ADD1: variants seen among roughly 807,000 people sequenced by gnomAD.
The protein encoded by ADD1 is adducin 1.
Under a neutral mutation model 80.5 loss-of-function variants are expected in ADD1, and 24 were observed. The ratio of observed to expected loss-of-function variants is 0.30; its 90% confidence interval spans 0.22 to 0.42. The LOEUF (loss-of-function observed/expected upper bound fraction) is 0.42. ADD1 is among the 10% of genes least tolerant of loss of function. The pLI, the probability that ADD1 is intolerant of heterozygous loss-of-function variation, is 1.00. For synonymous variants in ADD1, 373 were observed against 393.8 expected (o/e 0.95, Z 0.63); for missense variants, 948 against 1,019.0 (o/e 0.93, Z 0.95).
chr4:2,910,764 G>A (rs1737883620), intron 13 of ADD1, among the ~76,000 whole-genome samples: 3 of 152,294 alleles, frequency 2.0e-5, no homozygotes, highest in Admixed American at 1.3e-4. Context: ...CTTCCTGAAC[G>A]ATAGAGGTAG....
chr4:2,889,102 G>C (rs566102557), intron 4 of ADD1, among the ~76,000 whole-genome samples: 1 of 152,278 alleles, frequency 6.6e-6, no homozygotes, highest in East Asian at 1.9e-4. Flanking sequence ...TTTCCTACCA[G>C]ATGTCAAACT....
intron 1 of ADD1, among the ~76,000 whole-genome samples, chr4:2,875,252 A>G (rs1731095631): frequency 6.6e-6 from 1 of 152,050 alleles, no homozygotes; most frequent in Non-Finnish European, 1.5e-5. Flanking sequence ...AAAGAATGTA[A>G]TGTCAGTAGC....
intron 4 of ADD1, among the ~76,000 whole-genome samples, chr4:2,884,893 A>G (rs1454809015): frequency 6.6e-6 from 1 of 152,226 alleles, no homozygotes; most frequent in Non-Finnish European, 1.5e-5. Flanking sequence ...TGCTAACCTA[A>G]TAAAACAACT....
intron 1 of ADD1, among the ~76,000 whole-genome samples, chr4:2,863,749 C>T (rs185457613): frequency 1.3e-5 from 2 of 151,538 alleles, no homozygotes; most frequent in East Asian, 3.9e-4. Flanking sequence ...GTTTTGTTTT[C>T]TAAGAGATAG....
rs1048934188 is a variant in ADD1 at position 2,908,488 on chromosome 4, A to T, written c.1609-27A>T. On this transcript the variant is annotated intron_variant, in intron 11 of 15. Transcript: ENST00000683351. ...GCAGCATGGCTGCTCAGGACTGTTG[A>T]TGTGTGCCTCTCCTTCCCACCCTCA... 9.4e-6 allele frequency: 15 copies of T among 1,600,284 alleles called. No individual in the cohort carries two copies. The Admixed American group carries it at 1.7e-4, about 18-fold the overall frequency.
chr4:2,914,776 T>C, intron 13 of ADD1, 108 bp from the exon 14 acceptor site: 1 of 1,340,772 alleles, frequency 7.5e-7, no homozygotes, highest in Non-Finnish European at 1.0e-6. Context: ...CAGGGGTCTC[T>C]GCTCCTGGAA....
intron 3 of ADD1, among the ~76,000 whole-genome samples, chr4:2,882,484 T>C (rs1181414296): frequency 6.6e-6 from 1 of 152,226 alleles, no homozygotes; most frequent in Non-Finnish European, 1.5e-5. Context: ...TGGGTGAATG[T>C]GAGCAAAGAA....
At position 2,928,698 on chromosome 4, in the gene ADD1, C is replaced by T; in HGVS notation, c.*175C>T. Reference sequence around the variant, plus strand: ...CCGGGCTGACCCAGTGTGTGCTCAGCAGCCCCACCCCACCCTGCCCCTTGT... The same window carrying T: ...CCGGGCTGACCCAGTGTGTGCTCAGTAGCCCCACCCCACCCTGCCCCTTGT... On this transcript the variant is annotated 3_prime_UTR_variant, in exon 16 of 16. Coordinates refer to ENST00000683351, the MANE Select transcript of ADD1 (RefSeq NM_001354761.2). 1.6e-6 allele frequency: 1 copy of T among 620,234 alleles called. No individual in the cohort carries two copies. The highest frequency in any genetic ancestry group is 2.7e-6 in the Non-Finnish European group (1 of 366,214). The allele number at this position is 620,234 out of a possible 1,614,324, so 38.4% of individuals were successfully genotyped here.
intron 1 of ADD1, among the ~76,000 whole-genome samples, chr4:2,851,807 A>G (rs972708629): frequency 1.3e-5 from 2 of 152,180 alleles, no homozygotes; most frequent in South Asian, 4.1e-4. Flanking sequence ...TTAGGGGGGA[A>G]ATAGATGACC....
chr4:2,928,249 A>C lies in ADD1; in HGVS notation c.2126A>C (p.Asp709Ala), dbSNP rs559671547. 6.2e-7 allele frequency: 1 copy of C among 1,614,080 alleles called. No homozygotes were observed. The highest frequency in any genetic ancestry group is 8.5e-7 in the Non-Finnish European group (1 of 1,180,020). Reference sequence around the variant, plus strand: ...CCAACTCTCCCCGATCTGTCCCCTGATGAACCTTCAGAAGCACTCGGCTTC... The same window carrying C: ...CCAACTCTCCCCGATCTGTCCCCTGCTGAACCTTCAGAAGCACTCGGCTTC... ...FKPTLPDLSPDEPSEALGFPM... is the reference protein window; with the variant it reads ...FKPTLPDLSPAEPSEALGFPM... The change falls in exon 16 of 16, where the codon GAT becomes GCT. Residue 709 changes from aspartate (D) to alanine (A), a missense_variant. Coordinates refer to ENST00000683351, the MANE Select transcript of ADD1 (RefSeq NM_001354761.2).
At chr4:2,907,973 G>A (rs1737342273) in intron 11 of ADD1, 129 bp downstream of exon 11, 3 of 728,976 alleles carry the variant, frequency 4.1e-6, no homozygotes, top group Non-Finnish European at 4.9e-6. Context: ...TTGCAGTGAA[G>A]CCATCTCTTC....
chr4:2,872,333 A>G (rs1192674220), intron 1 of ADD1, among the ~76,000 whole-genome samples: 2 of 152,370 alleles, frequency 1.3e-5, no homozygotes, highest in South Asian at 4.1e-4. Context: ...GCAACATTAT[A>G]GAATATTGAG....
chr4:2,928,145 A>T, intron 15 of ADD1, 26 bp from the exon 16 acceptor site: 18 of 1,605,676 alleles, frequency 1.1e-5, no homozygotes, highest in Non-Finnish European at 1.5e-5. Context: ...GGAACCCTTA[A>T]TCCCATCTCT....
rs1735584585 is a variant in ADD1 at position 2,898,235 on chromosome 4, C to G, written c.793C>G (p.Leu265Val). ...LLPISPEALS[L>V]GEVAYHDYHG... Reference sequence around the variant, plus strand: ...GCCAATCTCCCCGGAGGCGCTTTCCCTTGGAGAAGTGGCTTATCATGACTA... The same window carrying G: ...GCCAATCTCCCCGGAGGCGCTTTCCGTTGGAGAAGTGGCTTATCATGACTA... Residue 265 changes from leucine (L) to valine (V), a missense_variant, in exon 7 of 16, where the codon CTT becomes GTT. By Grantham distance (32) the Leu-to-Val change is conservative (BLOSUM62 1). Transcript: ENST00000683351. 3 of 1,614,026 alleles carry G rather than the reference C, an allele frequency of 1.9e-6. No individual in the cohort carries two copies. The highest frequency in any genetic ancestry group is 2.7e-5 in the African/African-American group (2 of 74,900).
intron 2 of ADD1, among the ~76,000 whole-genome samples, chr4:2,876,628 A>G (rs571318521): frequency 9.2e-5 from 14 of 152,200 alleles, no homozygotes; most frequent in African/African-American, 2.6e-4. Context: ...CGAGGTCAGG[A>G]GATCGAGACC....
chr4:2,909,550 T>C (rs1175463457), intron 13 of ADD1, 119 bp downstream of exon 13: 8 of 717,920 alleles, frequency 1.1e-5, no homozygotes, highest in African/African-American at 1.8e-5. Context: ...AATGGATCTT[T>C]AACCTGTTTG....
intron 8 of ADD1, 85 bp downstream of exon 8, chr4:2,898,616 T>A: frequency 1.7e-6 from 2 of 1,160,402 alleles, no homozygotes; most frequent in Non-Finnish European, 1.3e-6. Flanking sequence ...ACTTATCGAG[T>A]AGGAGAGGAG....
intron 2 of ADD1, among the ~76,000 whole-genome samples, chr4:2,876,703 G>GT (rs1376374319): frequency 1.3e-5 from 2 of 152,194 alleles, no homozygotes; most frequent in Middle Eastern, 3.4e-3. Context: ...GCCAGGCGTA[G>GT]TGGCGGGCGC....
At chr4:2,853,381 A>G (rs1001231447) in intron 1 of ADD1, among the ~76,000 whole-genome samples, 1 of 152,156 alleles carries the variant, frequency 6.6e-6, no homozygotes, top group Non-Finnish European at 1.5e-5. Context: ...TGCTGGGATT[A>G]CAGGTGTGAG....
Sources: gnomAD v4.1 joint callset for allele counts (sites outside exome capture counted in the v4.1 genomes callset) on GRCh38, gnomAD v4.1.1 for gene constraint, MANE v1.5 for transcripts, NCBI Gene and HGNC (gene_info 2026-07-23, HGNC 2026-07-21) for gene names.